Variants in EPS8 observed in about 807,000 individuals in gnomAD.
EPS8 encodes the protein epidermal growth factor receptor kinase substrate 8.
EPS8 carries 42 observed loss-of-function variants against 103.8 expected under a neutral mutation model. The observed-to-expected ratio is 0.40, with a 90% CI of 0.32 to 0.52. EPS8 has a LOEUF of 0.52. Ranked by LOEUF, EPS8 falls within the 20% of genes least tolerant of loss-of-function variation. EPS8 has a pLI of 0.40. For missense variants in EPS8, 969 were observed against 1,005.1 expected (o/e 0.96, Z 0.49); for synonymous variants, 344 against 344.6 (o/e 1.00, Z 0.02).
At chr12:15,677,027 A>G (rs1945920744) in intron 3 of EPS8, among the ~76,000 whole-genome samples, 2 of 152,228 alleles carry the variant, frequency 1.3e-5, no homozygotes, top group African/African-American at 4.8e-5. Context: ...TATGGAATAT[A>G]AGTTTTAAAA....
chr12:15,755,240 C>G (rs1946974356), intron 1 of EPS8, among the ~76,000 whole-genome samples: 1 of 152,234 alleles, frequency 6.6e-6, no homozygotes, highest in Admixed American at 6.5e-5. Context: ...AAGTATTCAT[C>G]TTGAGATTAC....
intron 19 of EPS8, among the ~76,000 whole-genome samples, chr12:15,623,560 G>T (rs1377776138): frequency 6.6e-6 from 1 of 152,080 alleles, no homozygotes; most frequent in Non-Finnish European, 1.5e-5. Flanking sequence ...CTTGGGATTT[G>T]GTGTTTTATA....
At position 15,682,924 on chromosome 12, in the gene EPS8, TG is replaced by T; in HGVS notation, c.27del (p.Ser10ValfsTer10). The T allele has an allele frequency of 6.3e-7, 1 of 1,586,120 alleles. No homozygotes were observed. Among genetic ancestry groups the T allele is most frequent in the Non-Finnish European group, 8.6e-7 (1 of 1,163,452 alleles). ...TGAGATGGGTACATTCCAAAACTACTGGGATGATTAGAAATATGACCATTCA... is the reference window on the plus strand; with the variant it reads ...TGAGATGGGTACATTCCAAAACTACTGGATGATTAGAAATATGACCATTCA... Reference protein sequence around the residue: MNGHISNHPSSFGMYPSQM... With the variant: MNGHISNHXSSFGMYPSQM... On this transcript the variant is annotated frameshift_variant, in exon 2 of 21. Coordinates refer to ENST00000281172, the MANE Select transcript of EPS8 (RefSeq NM_004447.6). LOFTEE classifies it high-confidence loss of function.
rs1346762026 is a variant in EPS8, at chr12:15,789,342, C to A, written c.-203G>T. On this transcript the variant is annotated 5_prime_UTR_variant, in exon 1 of 21. Coordinates refer to ENST00000281172, the MANE Select transcript of EPS8 (RefSeq NM_004447.6). The surrounding 1 kb of genome is among the most constrained non-coding windows in gnomAD (Gnocchi z 6.1). ...ATCTCCGAGGCGAGCACAGCGCCGG[C>A]CTCGCGCCGGGCGAGACCGCCTCGC... is the stretch of plus-strand genomic sequence containing the variant. 1 of 152,370 alleles carries A rather than the reference C, an allele frequency of 6.6e-6. No homozygotes were observed. Among genetic ancestry groups the A allele is most frequent in the Non-Finnish European group, 1.5e-5 (1 of 68,190 alleles). The allele number at this position is 152,370 out of a possible 1,614,324, so 9.4% of individuals were successfully genotyped here.
chr12:15,732,830 T>C (rs1193557548), intron 1 of EPS8: 1 of 819,632 alleles, frequency 1.2e-6, no homozygotes, highest in Non-Finnish European at 1.5e-6. Flanking sequence ...TTAAAGGACA[T>C]GTTGTTAATC....
chr12:15,711,526 G>A (rs1219136858), intron 1 of EPS8, among the ~76,000 whole-genome samples: 4 of 152,102 alleles, frequency 2.6e-5, no homozygotes. Context: ...GGGGACAGGT[G>A]GATCAGGGAA....
intron 16 of EPS8, 100 bp downstream of exon 16, chr12:15,641,622 A>T (rs1945231790): frequency 3.8e-6 from 2 of 522,432 alleles, no homozygotes; most frequent in African/African-American, 2.0e-5. Context: ...CTACGTCTTT[A>T]GTAATATAAT....
At chr12:15,666,557 G>T in intron 6 of EPS8, 35 bp from the exon 7 acceptor site, 2 of 1,497,016 alleles carry the variant, frequency 1.3e-6, no homozygotes, top group South Asian at 1.1e-5. Context: ...AAAGTTTATG[G>T]ATTTTTCTGA....
At chr12:15,624,709 A>T (rs546636953) in intron 18 of EPS8, among the ~76,000 whole-genome samples, 41 of 152,352 alleles carry the variant, frequency 2.7e-4, no homozygotes, top group Non-Finnish European at 4.7e-4. Flanking sequence ...AACAATGCTG[A>T]ATGATCTCAT....
intron 1 of EPS8, among the ~76,000 whole-genome samples, chr12:15,770,127 T>C (rs950260821): frequency 1.3e-5 from 2 of 151,394 alleles, no homozygotes; most frequent in South Asian, 2.1e-4. Flanking sequence ...TTTGTAGAGA[T>C]AGGGTTTTGT....
intron 1 of EPS8, among the ~76,000 whole-genome samples, chr12:15,722,258 C>T (rs965616679): frequency 1.3e-5 from 2 of 151,778 alleles, no homozygotes; most frequent in Non-Finnish European, 2.9e-5. Context: ...TTGTGTTGGG[C>T]CGCACTCAAA....
At chr12:15,627,827 T>C (rs559125547) in intron 18 of EPS8, among the ~76,000 whole-genome samples, 1 of 152,328 alleles carries the variant, frequency 6.6e-6, no homozygotes, top group South Asian at 2.1e-4. Context: ...ATAGGTACAT[T>C]ATGTTCGTTG....
rs1946744063 is a variant in EPS8 at position 15,734,096 on chromosome 12, TC to T, written c.-21-51125del. On this transcript the variant is annotated intron_variant, in intron 1 of 20. Transcript: ENST00000281172. The surrounding 1 kb of genome is among the most constrained non-coding windows in gnomAD (Gnocchi z 4.1). Reference sequence around the variant, plus strand: ...CTCAAGTAATCCTCCCATCTCAGCCTCCCCAAAGTTCTGGGATTACAGGACT... The same window carrying T: ...CTCAAGTAATCCTCCCATCTCAGCCTCCCAAAGTTCTGGGATTACAGGACT... Among the ~76,000 whole-genome samples the T allele has an allele frequency of 6.6e-6, 1 of 152,032 alleles. No homozygotes were observed. The highest frequency in any genetic ancestry group is 1.5e-5 in the Non-Finnish European group (1 of 67,996).
At chr12:15,679,921 T>C (rs917525571) in intron 3 of EPS8, among the ~76,000 whole-genome samples, 3 of 152,232 alleles carry the variant, frequency 2.0e-5, no homozygotes, top group Non-Finnish European at 2.9e-5. Context: ...AATCTTTTTC[T>C]GTTATCTTCA....
Position 15,624,347 on chromosome 12 carries a change from C to A in EPS8, c.2105G>T (p.Arg702Leu), listed in dbSNP as rs371243557. Residue 702 changes from arginine to leucine, a missense_variant, in exon 19 of 21, where the codon CGG becomes CTG. Coordinates refer to ENST00000281172, the MANE Select transcript of EPS8 (RefSeq NM_004447.6). ...DELIHRLTIG[R>L]SAAQKKFHVP... ...ATGGAATTTCTTCTGAGCGGCACTC[C>A]GACCAATGGTCAGTCTGTGGATGAG... The A allele has an allele frequency of 6.2e-7, 1 of 1,608,162 alleles. No homozygotes were observed.
intron 1 of EPS8, among the ~76,000 whole-genome samples, chr12:15,686,843 A>G (rs1352084636): frequency 6.6e-6 from 1 of 151,994 alleles, no homozygotes; most frequent in Non-Finnish European, 1.5e-5. Flanking sequence ...ATAATTAGTA[A>G]CTCTCTGCAT....
rs1359344042 is a variant in EPS8, at chr12:15,779,350, C to A, written c.-22+9811G>T. ...TCTCTATCATCAAAAGTATATCTTT[C>A]TTTAAATTCTAAAAGAGCACTTAAA... On this transcript the variant is annotated intron_variant, in intron 1 of 20. Transcript: ENST00000281172. The surrounding 1 kb of genome is among the most constrained non-coding windows in gnomAD (Gnocchi z 4.3). 6.6e-6 allele frequency among the ~76,000 whole-genome samples: 1 copy of A among 152,210 alleles called. No homozygotes were observed. Among genetic ancestry groups the A allele is most frequent in the Non-Finnish European group, 1.5e-5 (1 of 68,020 alleles).
chr12:15,660,465 C>A (rs1945585736), intron 10 of EPS8, 149 bp downstream of exon 10: 1 of 595,030 alleles, frequency 1.7e-6, no homozygotes, highest in Non-Finnish European at 3.0e-6. Context: ...GGTTTCATCA[C>A]ATTGGTCAGG....
chr12:15,652,840 G>GA (rs1000347902), intron 13 of EPS8, among the ~76,000 whole-genome samples: 3 of 151,898 alleles, frequency 2.0e-5, no homozygotes, highest in Non-Finnish European at 2.9e-5. Context: ...GAAAAATGGA[G>GA]AAAAAAAATT....
Sources: allele counts gnomAD v4.1 joint callset (sites outside exome capture counted in the v4.1 genomes callset), GRCh38; gene constraint gnomAD v4.1.1; non-coding constraint Gnocchi (gnomAD v3.1); transcripts MANE v1.5; gene names NCBI Gene and HGNC (gene_info 2026-07-23, HGNC 2026-07-21).